The following GPR158 variants were observed in gnomAD, a reference collection of about 807,000 sequenced individuals.
GPR158 encodes G protein-coupled receptor 158, also known as metabotropic glycine receptor.
Under a neutral mutation model 78.2 loss-of-function variants are expected in GPR158, and 30 were observed. The observed-to-expected ratio is 0.38, with a 90% confidence interval of 0.29 to 0.52. The LOEUF is 0.52. Ranked by LOEUF, GPR158 falls within the 20% of genes least tolerant of loss-of-function variation. The pLI is 0.83. For synonymous variants in GPR158, 581 were observed against 591.1 expected (o/e 0.98, Z 0.25); for missense variants, 1,463 against 1,523.5 (o/e 0.96, Z 0.66).
At chr10:25,239,133 G>A (rs988986229) in intron 2 of GPR158, among the ~76,000 whole-genome samples, 10 of 152,100 alleles carry the variant, frequency 6.6e-5, no homozygotes, top group Admixed American at 3.9e-4. Context: ...TCTCTGAAGT[G>A]GACTTATTTT....
At chr10:25,400,231 G>T (rs1184435307) in intron 3 of GPR158, among the ~76,000 whole-genome samples, 1 of 152,044 alleles carries the variant, frequency 6.6e-6, no homozygotes, top group Non-Finnish European at 1.5e-5. Context: ...GAAACAGAAA[G>T]GATATAGAGC....
intron 5 of GPR158, 109 bp downstream of exon 5, chr10:25,466,828 A>T: frequency 1.9e-6 from 1 of 528,860 alleles, no homozygotes; most frequent in Non-Finnish European, 3.2e-6. Flanking sequence ...TGGTGTTACT[A>T]GGAAGTGTGG....
chr10:25,463,436 T>TGGATGGATGGAC (rs1835383005), intron 4 of GPR158, among the ~76,000 whole-genome samples: 4 of 144,920 alleles, frequency 2.8e-5, no homozygotes, highest in African/African-American at 1.0e-4. Context: ...GATGGATGGA[T>TGGATGGATGGAC]GGACAGATAT....
chr10:25,298,182 C>A (rs1458889735), intron 2 of GPR158, among the ~76,000 whole-genome samples: 3 of 152,176 alleles, frequency 2.0e-5, no homozygotes, highest in Non-Finnish European at 4.4e-5. Context: ...TGTTGTAAGG[C>A]TTAATTCTAG....
intron 5 of GPR158, among the ~76,000 whole-genome samples, chr10:25,521,297 A>G (rs1049620395): frequency 2.0e-5 from 3 of 152,188 alleles, no homozygotes; most frequent in African/African-American, 7.2e-5. Context: ...CCGGTACCTC[A>G]GATGGAAATG....
chr10:25,412,189 T>TA, intron 3 of GPR158, 61 bp from the exon 4 acceptor site: 1 of 1,110,002 alleles, frequency 9.0e-7, no homozygotes, highest in Non-Finnish European at 1.4e-6. Context: ...TTTGACTCTA[T>TA]ACTCAATCTT....
At chr10:25,466,521 A>G in intron 4 of GPR158, 130 bp from the exon 5 acceptor site, 1 of 571,956 alleles carries the variant, frequency 1.7e-6, no homozygotes, top group East Asian at 2.9e-5. Flanking sequence ...ATACTAACCA[A>G]TTTTCATTAA....
At chr10:25,370,533 C>T (rs1208607445) in intron 2 of GPR158, among the ~76,000 whole-genome samples, 12 of 137,782 alleles carry the variant, frequency 8.7e-5, no homozygotes, top group East Asian at 7.9e-4. Context: ...GTCTGAGAGA[C>T]AGTTTGTTAT....
At chr10:25,581,799 A>G (rs1201080214) in intron 7 of GPR158, among the ~76,000 whole-genome samples, 1 of 152,188 alleles carries the variant, frequency 6.6e-6, no homozygotes, top group African/African-American at 2.4e-5. Context: ...TCCCATATCC[A>G]GTTCCCTCCC....
At chr10:25,228,406 C>G (rs1451428032) in intron 2 of GPR158, among the ~76,000 whole-genome samples, 1 of 151,950 alleles carries the variant, frequency 6.6e-6, no homozygotes, top group African/African-American at 2.4e-5. Flanking sequence ...AATTTAGAAA[C>G]AAATGCATAA....
chr10:25,530,070 T>C (rs1436131915), intron 5 of GPR158, among the ~76,000 whole-genome samples: 1 of 152,102 alleles, frequency 6.6e-6, no homozygotes, highest in Non-Finnish European at 1.5e-5. Flanking sequence ...TTCTGCTTCT[T>C]ATAGGTTGTA....
At chr10:25,283,006 A>G (rs759181757) in intron 2 of GPR158, among the ~76,000 whole-genome samples, 1 of 152,124 alleles carries the variant, frequency 6.6e-6, no homozygotes, top group Admixed American at 6.5e-5. Context: ...TGACATCACA[A>G]TAATGCTGAC....
At chr10:25,543,392 A>C (rs548756882) in intron 5 of GPR158, among the ~76,000 whole-genome samples, 1 of 152,304 alleles carries the variant, frequency 6.6e-6, no homozygotes, top group African/African-American at 2.4e-5. Flanking sequence ...AAGTGCTGGG[A>C]TTACAGGCGT....
At chr10:25,566,014 T>C (rs1295937753) in intron 6 of GPR158, among the ~76,000 whole-genome samples, 1 of 152,158 alleles carries the variant, frequency 6.6e-6, no homozygotes, top group African/African-American at 2.4e-5. Context: ...CAGTAAATTA[T>C]TTTGTGACAT....
chr10:25,431,374 G>T (rs1834902681), intron 4 of GPR158, among the ~76,000 whole-genome samples: 1 of 148,700 alleles, frequency 6.7e-6, no homozygotes, highest in Non-Finnish European at 1.5e-5. Flanking sequence ...TGCTGGAGAG[G>T]ATGTGGAGAA....
At chr10:25,490,574 A>G (rs1040058292) in intron 5 of GPR158, among the ~76,000 whole-genome samples, 1 of 149,058 alleles carries the variant, frequency 6.7e-6, no homozygotes, top group African/African-American at 2.5e-5. Flanking sequence ...TAGGTTACTG[A>G]GAATGATGAT....
chr10:25,510,478 G>A (rs558761352), intron 5 of GPR158, among the ~76,000 whole-genome samples: 163 of 152,234 alleles, frequency 1.1e-3, no homozygotes, highest in African/African-American at 3.9e-3. Flanking sequence ...TGGCAGCTTA[G>A]CCCAGTACAA....
At chr10:25,319,997 A>T (rs769522768) in intron 2 of GPR158, among the ~76,000 whole-genome samples, 48 of 152,036 alleles carry the variant, frequency 3.2e-4, no homozygotes, top group Non-Finnish European at 1.5e-5. Flanking sequence ...TTCCTCTATT[A>T]TATCTCTCCT....
At chr10:25,197,439 A>C (rs1188277318) in intron 1 of GPR158, among the ~76,000 whole-genome samples, 2 of 152,200 alleles carry the variant, frequency 1.3e-5, no homozygotes, top group African/African-American at 4.8e-5. Flanking sequence ...AAAATTTAAA[A>C]GTCTGTGTAA....
Sources: allele counts gnomAD v4.1 joint callset (sites outside exome capture counted in the v4.1 genomes callset), GRCh38; gene constraint gnomAD v4.1.1; transcripts MANE v1.5; gene names NCBI Gene and HGNC (gene_info 2026-07-23, HGNC 2026-07-21).